Variants in NBEA observed in about 807,000 individuals in gnomAD.
The protein encoded by NBEA is lysosomal-trafficking regulator 2.
A neutral mutation model predicts 343.4 loss-of-function variants in NBEA; 44 were observed. The ratio of observed to expected loss-of-function variants is 0.13; its 90% CI spans 0.10 to 0.16. The LOEUF is 0.16. Among genes scored for constraint, NBEA ranks in the 10% least tolerant of loss-of-function variants. NBEA has a pLI of 1.00. For synonymous variants in NBEA, 1,175 were observed against 1,238.7 expected, an observed-to-expected ratio of 0.95 and a Z score of 1.08; for missense variants, 2,555 against 3,631.3, an observed-to-expected ratio of 0.70 and a Z score of 7.62.
intron 38 of NBEA, among the ~76,000 whole-genome samples, chr13:35,371,541 A>G (rs1302633385): frequency 6.6e-6 from 1 of 151,908 alleles, no homozygotes; most frequent in Non-Finnish European, 1.5e-5. Context: ...GTATTATCTG[A>G]ATTCTCTCAT....
chr13:35,241,293 T>C (rs929855916), intron 34 of NBEA, among the ~76,000 whole-genome samples: 2 of 151,778 alleles, frequency 1.3e-5, no homozygotes, highest in Admixed American at 1.3e-4. Flanking sequence ...ATGGTAACAT[T>C]ATGAGACAGA....
Position 35,254,230 on chromosome 13 carries a change from G to A in NBEA, c.5776+21611G>A, listed in dbSNP as rs1256709691. ...GGTCCAATTTTAGCCAGAATCTTCAGGGGTAATATTCTTACTATAAAATGC... is the reference window on the plus strand; with the variant it reads ...GGTCCAATTTTAGCCAGAATCTTCAAGGGTAATATTCTTACTATAAAATGC... On this transcript the variant is annotated intron_variant, in intron 34 of 58. Transcript: ENST00000379939. Among the ~76,000 whole-genome samples, 5 of 151,632 alleles carry A rather than the reference G, an allele frequency of 3.3e-5. No homozygotes were observed. In the East Asian group the frequency reaches 9.6e-4, roughly 29 times the overall value.
chr13:35,647,689 C>G (rs1977320), intron 51 of NBEA, among the ~76,000 whole-genome samples: 64,090 of 151,694 alleles, frequency 0.42, 14,023 homozygotes, highest in Middle Eastern at 0.61. Context: ...GCCTTAGCCT[C>G]CCGAGTAGCC....
chr13:35,076,067 G>A (rs756982265), intron 10 of NBEA, among the ~76,000 whole-genome samples: 71 of 151,840 alleles, frequency 4.7e-4, no homozygotes, highest in Non-Finnish European at 8.0e-4. Flanking sequence ...TATAATAATT[G>A]CTTATCTTAT....
intron 53 of NBEA, among the ~76,000 whole-genome samples, chr13:35,654,518 A>C (rs1399283199): frequency 6.6e-6 from 1 of 152,232 alleles, no homozygotes; most frequent in Non-Finnish European, 1.5e-5. Flanking sequence ...TGATTCTTAT[A>C]AACTAATGAA....
chr13:35,015,867 G>A (rs988114452), intron 1 of NBEA, among the ~76,000 whole-genome samples: 1 of 152,008 alleles, frequency 6.6e-6, no homozygotes, highest in African/African-American at 2.4e-5. Flanking sequence ...AGTGATTCAG[G>A]TGGGCAGATT....
chr13:35,628,905 G>A (rs2083338732), intron 49 of NBEA, among the ~76,000 whole-genome samples: 1 of 152,058 alleles, frequency 6.6e-6, no homozygotes, highest in Admixed American at 6.5e-5. Context: ...GTGACAGAGC[G>A]AGACCCTATC....
At chr13:35,428,539 T>C (rs1475802183) in intron 38 of NBEA, among the ~76,000 whole-genome samples, 1 of 152,228 alleles carries the variant, frequency 6.6e-6, no homozygotes, top group Non-Finnish European at 1.5e-5. Flanking sequence ...TTATTATATT[T>C]GTCAGTTCAA....
intron 24 of NBEA, among the ~76,000 whole-genome samples, chr13:35,168,254 TAGAA>T (rs148850766): frequency 1.3e-5 from 2 of 151,696 alleles, no homozygotes; most frequent in East Asian, 1.9e-4. Context: ...TGTCAAAAAT[TAGAA>T]AGAATAGTTG....
At chr13:35,213,313 CTT>C (rs2073890167) in intron 33 of NBEA, among the ~76,000 whole-genome samples, 1 of 152,012 alleles carries the variant, frequency 6.6e-6, no homozygotes, top group South Asian at 2.1e-4. Context: ...TGCCTCATCT[CTT>C]TGTCTGTCTT....
chr13:35,339,269 A>T (rs923027198), intron 36 of NBEA, among the ~76,000 whole-genome samples: 1 of 152,026 alleles, frequency 6.6e-6, no homozygotes, highest in African/African-American at 2.4e-5. Context: ...TACCAAAAAA[A>T]AAAGGATCTG....
At chr13:35,277,218 A>C (rs2034648824) in intron 34 of NBEA, among the ~76,000 whole-genome samples, 1 of 152,168 alleles carries the variant, frequency 6.6e-6, no homozygotes, top group Non-Finnish European at 1.5e-5. Flanking sequence ...ACACAAAAAA[A>C]CCAAGGTGGA....
chr13:35,171,258 C>T lies in NBEA; in HGVS notation c.4243-14C>T. On this transcript the variant is annotated splice_polypyrimidine_tract_variant and intron_variant, in intron 25 of 58. Transcript: ENST00000379939. ...AAATTTTAAACAAGACTTAAATCTT[C>T]TACTTTTTTAAAGACGGAATTGGAA... The T allele has an allele frequency of 6.2e-7, 1 of 1,604,280 alleles. No individual in the cohort carries two copies. The highest frequency in any genetic ancestry group is 1.7e-5 in the Admixed American group (1 of 58,960).
At chr13:35,370,910 GT>G (rs35375856) in intron 38 of NBEA, among the ~76,000 whole-genome samples, 79,201 of 150,930 alleles carry the variant, frequency 0.52, 23,530 homozygotes, top group South Asian at 0.68. Context: ...TCAGTTGGCA[GT>G]TTTTTTTTTC....
At chr13:35,603,300 G>A (rs1021010603) in intron 47 of NBEA, among the ~76,000 whole-genome samples, 2 of 152,120 alleles carry the variant, frequency 1.3e-5, no homozygotes, top group African/African-American at 2.4e-5. Context: ...TGAGAGCTAC[G>A]AAGGATCCAA....
intron 10 of NBEA, among the ~76,000 whole-genome samples, chr13:35,085,561 T>G (rs1450012880): frequency 1.3e-5 from 2 of 152,076 alleles, no homozygotes; most frequent in Non-Finnish European, 2.9e-5. Context: ...CTTAATAAAT[T>G]AGGTAATGAT....
At chr13:35,308,515 T>C (rs1418683362) in intron 35 of NBEA, among the ~76,000 whole-genome samples, 1 of 126,440 alleles carries the variant, frequency 7.9e-6, no homozygotes, top group African/African-American at 3.0e-5. Flanking sequence ...TATATATGTG[T>C]ATATATGTAT....
intron 38 of NBEA, among the ~76,000 whole-genome samples, chr13:35,423,739 G>A (rs1404381938): frequency 6.6e-6 from 1 of 152,080 alleles, no homozygotes; most frequent in Non-Finnish European, 1.5e-5. Context: ...ATTACCTTGG[G>A]CAGTATGGCC....
intron 30 of NBEA, among the ~76,000 whole-genome samples, chr13:35,187,330 C>G (rs1206729094): frequency 6.6e-6 from 1 of 151,762 alleles, no homozygotes; most frequent in Admixed American, 6.6e-5. Flanking sequence ...ACTCAAATCC[C>G]TTCTTGAAGT....
Sources: allele counts gnomAD v4.1 joint callset (sites outside exome capture counted in the v4.1 genomes callset), GRCh38; gene constraint gnomAD v4.1.1; transcripts MANE v1.5; gene names NCBI Gene and HGNC (gene_info 2026-07-23, HGNC 2026-07-21).